Variants in TANGO6 observed in about 807,000 individuals in gnomAD.
TANGO6 encodes the protein transport and Golgi organization protein 6 homolog.
In TANGO6, 90 loss-of-function variants were observed where a neutral mutation model predicts 114.2. The observed-to-expected ratio is 0.79, with a 90% CI of 0.66 to 0.94. TANGO6 has a LOEUF of 0.94. Among genes scored for constraint, TANGO6 ranks in the 40% least tolerant of loss-of-function variants. TANGO6 has a pLI of 0.00. For synonymous variants in TANGO6, 477 were observed against 509.8 expected (o/e 0.94, Z 0.87); for missense variants, 1,274 against 1,315.3 (o/e 0.97, Z 0.49).
intron 12 of TANGO6, among the ~76,000 whole-genome samples, chr16:68,926,558 C>G (rs1040319603): frequency 6.6e-6 from 1 of 151,224 alleles, no homozygotes; most frequent in South Asian, 2.1e-4. Flanking sequence ...GACAGAGTCT[C>G]GCTCTGTTGC....
intron 17 of TANGO6, among the ~76,000 whole-genome samples, chr16:69,041,380 A>T (rs1959772151): frequency 6.6e-6 from 1 of 151,474 alleles, no homozygotes; most frequent in South Asian, 2.1e-4. Flanking sequence ...CGGGAGGCGG[A>T]GGTTGCAGTG....
At chr16:69,011,636 T>A (rs539273097) in intron 15 of TANGO6, among the ~76,000 whole-genome samples, 1 of 152,140 alleles carries the variant, frequency 6.6e-6, no homozygotes, top group African/African-American at 2.4e-5. Context: ...TAAAATAACT[T>A]TTTTAGAGAC....
chr16:68,984,104 C>T (rs1027910982), intron 15 of TANGO6, among the ~76,000 whole-genome samples: 1 of 151,106 alleles, frequency 6.6e-6, no homozygotes, highest in Admixed American at 6.6e-5. Context: ...TTTCACAGCA[C>T]AGTCTTAAAT....
At chr16:68,941,727 CAG>C (rs1457853919) in intron 14 of TANGO6, among the ~76,000 whole-genome samples, 16 of 151,590 alleles carry the variant, frequency 1.1e-4, no homozygotes, top group Non-Finnish European at 1.9e-4. Context: ...GCCTGGGTGA[CAG>C]AGCAAGACTG....
intron 17 of TANGO6, among the ~76,000 whole-genome samples, chr16:69,051,430 C>CT (rs1325866152): frequency 2.6e-5 from 4 of 152,042 alleles, no homozygotes; most frequent in African/African-American, 9.7e-5. Flanking sequence ...AATCCCAGCA[C>CT]TTTGGGAGGC....
intron 3 of TANGO6, 79 bp from the exon 4 acceptor site, chr16:68,867,000 T>TA (rs1471724930): frequency 4.2e-6 from 2 of 481,150 alleles, no homozygotes; most frequent in East Asian, 4.4e-5. Flanking sequence ...TTTTTTTTTT[T>TA]ACAGGCATGA....
At chr16:68,972,299 C>T (rs750935792) in intron 14 of TANGO6, among the ~76,000 whole-genome samples, 3 of 151,990 alleles carry the variant, frequency 2.0e-5, no homozygotes, top group Non-Finnish European at 2.9e-5. Flanking sequence ...GCAGGTGCTC[C>T]GCCTTCACAG....
chr16:68,860,715 C>G (rs985061863), intron 2 of TANGO6, among the ~76,000 whole-genome samples, 191 bp downstream of exon 2: 1 of 152,160 alleles, frequency 6.6e-6, no homozygotes. Flanking sequence ...GTCCTTTGCA[C>G]ACCTGTAGAG....
intron 16 of TANGO6, among the ~76,000 whole-genome samples, chr16:69,032,297 G>A (rs1206191620): frequency 2.6e-5 from 4 of 151,892 alleles, no homozygotes; most frequent in Non-Finnish European, 4.4e-5. Context: ...ACAGAGCCTC[G>A]CGCTGTCGCC....
At chr16:69,003,160 C>CA (rs1964059537) in intron 15 of TANGO6, among the ~76,000 whole-genome samples, 1 of 151,570 alleles carries the variant, frequency 6.6e-6, no homozygotes, top group African/African-American at 2.4e-5. Context: ...CCAGGTAAAA[C>CA]AAAAAAAGCC....
At chr16:68,945,443 CT>C (rs1486473141) in intron 14 of TANGO6, among the ~76,000 whole-genome samples, 2 of 152,056 alleles carry the variant, frequency 1.3e-5, no homozygotes, top group East Asian at 3.9e-4. Context: ...GGGAATTATA[CT>C]TTTGGGGCAA....
intron 15 of TANGO6, among the ~76,000 whole-genome samples, chr16:69,014,817 G>C (rs1487797660): frequency 6.6e-6 from 1 of 151,326 alleles, no homozygotes; most frequent in Non-Finnish European, 1.5e-5. Context: ...GATCTCTTGA[G>C]CCCAGGAGTT....
chr16:68,871,440 C>T (rs1167956734), intron 4 of TANGO6, among the ~76,000 whole-genome samples: 7 of 151,892 alleles, frequency 4.6e-5, no homozygotes, highest in Non-Finnish European at 7.4e-5. Flanking sequence ...TAGTGTTTGC[C>T]ATATTTGGAA....
intron 15 of TANGO6, among the ~76,000 whole-genome samples, chr16:68,996,360 G>A (rs1177519502): frequency 6.6e-6 from 1 of 152,086 alleles, no homozygotes; most frequent in Non-Finnish European, 1.5e-5. Context: ...AAACTGTGTC[G>A]ACTCTGGCTC....
At chr16:68,981,026 C>G (rs1241480912) in intron 15 of TANGO6, among the ~76,000 whole-genome samples, 4 of 151,716 alleles carry the variant, frequency 2.6e-5, no homozygotes, top group Non-Finnish European at 4.4e-5. Context: ...GATTTTGGTT[C>G]AGTCTCTTTT....
intron 17 of TANGO6, among the ~76,000 whole-genome samples, chr16:69,081,609 G>C (rs1282519974): frequency 6.6e-6 from 1 of 151,946 alleles, no homozygotes; most frequent in East Asian, 1.9e-4. Context: ...CCAAGTGCTG[G>C]GATTACAGGC....
chr16:69,003,880 A>G (rs1248736040), intron 15 of TANGO6, among the ~76,000 whole-genome samples: 1 of 151,984 alleles, frequency 6.6e-6, no homozygotes, highest in Non-Finnish European at 1.5e-5. Context: ...TCAAAAATAC[A>G]TCTTCATATC....
intron 14 of TANGO6, among the ~76,000 whole-genome samples, chr16:68,931,171 G>C (rs1448580095): frequency 6.6e-6 from 1 of 152,172 alleles, no homozygotes; most frequent in African/African-American, 2.4e-5. Flanking sequence ...AGTTAACTCA[G>C]TTTCCCTTGG....
chr16:68,905,949 G>A (rs1962844399), intron 9 of TANGO6, among the ~76,000 whole-genome samples: 1 of 152,164 alleles, frequency 6.6e-6, no homozygotes, highest in Non-Finnish European at 1.5e-5. Context: ...GGGAGGCCGA[G>A]GTGGGCAGAT....
Sources: gnomAD v4.1 joint callset for allele counts (sites outside exome capture counted in the v4.1 genomes callset) on GRCh38, gnomAD v4.1.1 for gene constraint, MANE v1.5 for transcripts, NCBI Gene and HGNC (gene_info 2026-07-23, HGNC 2026-07-21) for gene names.